The following SPATS2 variants were observed in gnomAD, a reference collection of about 807,000 sequenced individuals.
SPATS2 encodes the protein spermatogenesis-associated serine-rich protein 2.
Under a neutral mutation model 63.7 loss-of-function variants are expected in SPATS2, and 38 were observed. The observed-to-expected ratio is 0.60, with a 90% CI of 0.46 to 0.78. The LOEUF (loss-of-function observed/expected upper bound fraction) is 0.78, where lower values mean the gene tolerates loss of function less well. Ranked by LOEUF, SPATS2 falls within the 30% of genes least tolerant of loss-of-function variation. SPATS2 has a pLI of 0.00. For synonymous variants in SPATS2, 207 were observed against 232.9 expected, an observed-to-expected ratio of 0.89 and a Z score of 1.01; for missense variants, 588 against 666.2, an observed-to-expected ratio of 0.88 and a Z score of 1.29.
chr12:49,445,890 G>GT (rs929575608), intron 2 of SPATS2, among the ~76,000 whole-genome samples: 14 of 151,744 alleles, frequency 9.2e-5, no homozygotes, highest in African/African-American at 3.4e-4. Context: ...GATCTGTAGT[G>GT]TTTTTTTGGT....
At chr12:49,393,980 G>A (rs1355620869) in intron 2 of SPATS2, among the ~76,000 whole-genome samples, 1 of 152,044 alleles carries the variant, frequency 6.6e-6, no homozygotes, top group Admixed American at 6.6e-5. Flanking sequence ...ACTGCTCCTG[G>A]CCAGCCCTAC....
At chr12:49,521,099 G>A (rs12320434) in intron 11 of SPATS2, among the ~76,000 whole-genome samples, 2,050 of 152,266 alleles carry the variant, frequency 0.013, 47 homozygotes, top group African/African-American at 0.046. Context: ...GATGGTTGTG[G>A]TCATTGGCAT....
Position 49,524,792 on chromosome 12 carries a change from T to G in SPATS2, c.1222T>G (p.Ser408Ala). The change falls in exon 13 of 14, where the codon TCT (serine) becomes GCT (alanine). Residue 408 changes from serine (S) to alanine (A), a missense_variant. Ser to Ala is a moderately conservative substitution (Grantham distance 99). Coordinates refer to ENST00000552918, the MANE Select transcript of SPATS2 (RefSeq NM_023071.4). ...TGCTGCTTCCTCTTCCACCTGTGCC[T>G]CTCCTCCCAGCCTTACAAGTGCTAA... The part of the protein sequence containing the change: ...ASAASSSTCA[S>A]PPSLTSANKK... 1 of 1,614,072 alleles carries G rather than the reference T, an allele frequency of 6.2e-7. No individual in the cohort carries two copies. Among genetic ancestry groups the G allele is most frequent in the Non-Finnish European group, 8.5e-7 (1 of 1,180,032 alleles).
chr12:49,404,288 CA>C, intron 2 of SPATS2, among the ~76,000 whole-genome samples: 1 of 135,922 alleles, frequency 7.4e-6, no homozygotes, highest in Non-Finnish European at 1.6e-5. Context: ...TTTTTTTTTT[CA>C]TTTTTTTTTT....
At position 49,484,666 on chromosome 12, in the gene SPATS2, G is replaced by A; in HGVS notation, c.102G>A (p.Glu34=). 6.2e-7 allele frequency: 1 copy of A among 1,613,928 alleles called. No homozygotes were observed. The highest frequency in any genetic ancestry group is 1.1e-5 in the South Asian group (1 of 91,062). The change falls in exon 4 of 14, where the codon GAG becomes GAA. Residue 34 remains glutamate (E), a synonymous_variant. Coordinates refer to ENST00000552918, the MANE Select transcript of SPATS2 (RefSeq NM_023071.4). The part of the protein sequence containing the change: ...AQGGAFENMK[E]KINAVRAIVP... Reference sequence around the variant, plus strand: ...GAGGAGCTTTTGAGAACATGAAAGAGAAGGTAAGACTAGTCACTATGGATA... The same window carrying A: ...GAGGAGCTTTTGAGAACATGAAAGAAAAGGTAAGACTAGTCACTATGGATA...
intron 6 of SPATS2, among the ~76,000 whole-genome samples, chr12:49,491,500 C>T (rs1449317204): frequency 6.6e-6 from 1 of 151,910 alleles, no homozygotes; most frequent in Non-Finnish European, 1.5e-5. Flanking sequence ...GGATCACTTG[C>T]GCCCAGGAGT....
At chr12:49,501,583 G>T (rs1289610336) in intron 9 of SPATS2, among the ~76,000 whole-genome samples, 1 of 152,130 alleles carries the variant, frequency 6.6e-6, no homozygotes, top group Non-Finnish European at 1.5e-5. Context: ...TTAACTGTTA[G>T]ATATTAAGGT....
chr12:49,393,681 C>T (rs1944458708), intron 2 of SPATS2, among the ~76,000 whole-genome samples: 1 of 152,084 alleles, frequency 6.6e-6, no homozygotes, highest in Non-Finnish European at 1.5e-5. Context: ...TATTGATGTT[C>T]ATATTGTGTC....
At chr12:49,439,121 C>G (rs540768380) in intron 2 of SPATS2, among the ~76,000 whole-genome samples, 1 of 152,124 alleles carries the variant, frequency 6.6e-6, no homozygotes, top group Non-Finnish European at 1.5e-5. Context: ...AGAGAGAGAA[C>G]GATTCATGTG....
chr12:49,516,167 ATATATATATATATATATATAT>A (rs1387089935), intron 10 of SPATS2, among the ~76,000 whole-genome samples: 2 of 5,374 alleles, frequency 3.7e-4, no homozygotes, highest in Non-Finnish European at 5.9e-4. Context: ...AAAAAAAAAA[ATATATATATATATATATATAT>A]ATATATATAT....
chr12:49,381,807 A>G (rs1777876345), intron 2 of SPATS2, among the ~76,000 whole-genome samples: 1 of 152,192 alleles, frequency 6.6e-6, no homozygotes, highest in African/African-American at 2.4e-5. Flanking sequence ...AGAATAGGTG[A>G]TCCAAAGTAA....
chr12:49,440,105 T>A (rs1945390710), intron 2 of SPATS2, among the ~76,000 whole-genome samples: 2 of 152,336 alleles, frequency 1.3e-5, no homozygotes, highest in South Asian at 4.1e-4. Flanking sequence ...CACGTTTGCT[T>A]TATCATTATT....
intron 11 of SPATS2, among the ~76,000 whole-genome samples, chr12:49,520,939 G>A (rs528383561): frequency 1.6e-4 from 24 of 151,916 alleles, no homozygotes; most frequent in Admixed American, 5.2e-4. Flanking sequence ...GGCTGGTCTC[G>A]AACCCCTGAC....
At chr12:49,476,653 C>T (rs1364784300) in intron 3 of SPATS2, among the ~76,000 whole-genome samples, 2 of 152,176 alleles carry the variant, frequency 1.3e-5, no homozygotes, top group African/African-American at 4.8e-5. Context: ...AGCAGCAGGG[C>T]ACTGAAGAAG....
intron 6 of SPATS2, among the ~76,000 whole-genome samples, chr12:49,491,578 C>T (rs183327818): frequency 6.6e-6 from 1 of 152,110 alleles, no homozygotes; most frequent in East Asian, 1.9e-4. Context: ...GCAGAGGGGT[C>T]TGATGTTCCA....
chr12:49,509,784 T>G (rs956198871), intron 9 of SPATS2, among the ~76,000 whole-genome samples: 12 of 139,802 alleles, frequency 8.6e-5, no homozygotes, highest in African/African-American at 3.0e-4. Context: ...GTCACTGCAC[T>G]CCAGCCTGGG....
chr12:49,394,105 T>A (rs1411253825), intron 2 of SPATS2, among the ~76,000 whole-genome samples: 7 of 152,082 alleles, frequency 4.6e-5, no homozygotes, highest in Non-Finnish European at 1.0e-4. Context: ...CCCACCACTT[T>A]GGGAGGCCAT....
chr12:49,469,895 A>G (rs1946004005), intron 3 of SPATS2, among the ~76,000 whole-genome samples: 1 of 152,132 alleles, frequency 6.6e-6, no homozygotes, highest in Non-Finnish European at 1.5e-5. Flanking sequence ...CTCAAAAAAA[A>G]AAGAAGGAAA....
chr12:49,426,092 G>A (rs1945070822), intron 2 of SPATS2, among the ~76,000 whole-genome samples: 1 of 152,142 alleles, frequency 6.6e-6, no homozygotes, highest in Non-Finnish European at 1.5e-5. Context: ...GCCTACCAGT[G>A]TTCATTTAGG....
Sources: gnomAD v4.1 joint callset for allele counts (sites outside exome capture counted in the v4.1 genomes callset) on GRCh38, gnomAD v4.1.1 for gene constraint, MANE v1.5 for transcripts, NCBI Gene and HGNC (gene_info 2026-07-23, HGNC 2026-07-21) for gene names.